The following WASHC2C variants were observed in gnomAD, a reference collection of about 807,000 sequenced individuals.
WASHC2C encodes the protein Vaccinia Penetration Factor.
In WASHC2C, 73 loss-of-function variants were observed where a neutral mutation model predicts 142.2. That is an observed-to-expected ratio of 0.51 (90% CI 0.43 to 0.62). The LOEUF (loss-of-function observed/expected upper bound fraction) is 0.62. Among genes scored for constraint, WASHC2C ranks in the 20% least tolerant of loss-of-function variants. WASHC2C has a pLI of 0.00. For missense variants in WASHC2C, 969 were observed against 1,531.7 expected (o/e 0.63, Z 6.13); for synonymous variants, 337 against 565.5 (o/e 0.60, Z 5.73).
At chr10:45,747,533 T>C (rs1326361809) in intron 8 of WASHC2C, among the ~76,000 whole-genome samples, 54 of 152,364 alleles carry the variant, frequency 3.5e-4, no homozygotes, top group Non-Finnish European at 5.4e-4. Flanking sequence ...TCTCTAAATG[T>C]ATAAGGGAAA....
intron 7 of WASHC2C, among the ~76,000 whole-genome samples, chr10:45,745,732 G>T (rs1436699708): frequency 4.6e-5 from 7 of 151,856 alleles, no homozygotes; most frequent in African/African-American, 1.7e-4. Flanking sequence ...AGCAACTATT[G>T]ATGTCCCCTT....
intron 20 of WASHC2C, among the ~76,000 whole-genome samples, chr10:45,772,532 A>G (rs1334113620): frequency 4.0e-5 from 6 of 151,850 alleles, no homozygotes; most frequent in African/African-American, 1.2e-4. Context: ...CCTGAGCAAC[A>G]TAGAGCGACC....
chr10:45,742,351 G>A (rs2052192780), intron 5 of WASHC2C, among the ~76,000 whole-genome samples: 1 of 152,176 alleles, frequency 6.6e-6, no homozygotes, highest in Admixed American at 6.5e-5. Context: ...TTTCGCTCTT[G>A]TTGCCCAGGC....
At chr10:45,784,295 T>TATATAC (rs2057845960) in intron 23 of WASHC2C, among the ~76,000 whole-genome samples, 1 of 44,468 alleles carries the variant, frequency 2.2e-5, no homozygotes. Context: ...TATATACACA[T>TATATAC]ATATATATAT....
At chr10:45,786,768 C>A (rs1201135390) in intron 27 of WASHC2C, 94 bp downstream of exon 27, 1 of 1,604,554 alleles carries the variant, frequency 6.2e-7, no homozygotes, top group East Asian at 2.2e-5. Flanking sequence ...CAAACATCTT[C>A]TCATCTCTTC....
In WASHC2C at chr10:45,752,628, C is replaced by T. The variant is rs782097204; in HGVS notation, c.1044C>T (p.Asp348=). ...DNLFAPPKLT[D]EDFSPFGSGG... is the part of the protein sequence containing the mutation. ...TATTCGCACCCCCCAAGCTGACCGA[C>T]GAGGACTTCTCGCCATTTGGCTCTG... The change falls in exon 12 of 31, where the codon GAC becomes GAT. Residue 348 remains aspartate (D), a synonymous_variant. Coordinates refer to ENST00000623400, the MANE Select transcript of WASHC2C (RefSeq NM_001330074.2). 2.4e-5 allele frequency: 39 copies of T among 1,609,874 alleles called. 2 individuals carry two copies. Among genetic ancestry groups the T allele is most frequent in the South Asian group, 2.1e-4 (19 of 90,936 alleles).
chr10:45,739,800 A>G (rs2051765183), intron 4 of WASHC2C, among the ~76,000 whole-genome samples: 2 of 152,210 alleles, frequency 1.3e-5, no homozygotes, highest in South Asian at 4.2e-4. Flanking sequence ...TTCTCCACAC[A>G]CTAGTTGTAC....
rs2058084151 is a variant in WASHC2C, at chr10:45,786,894, A to G, written c.2875-141A>G. On this transcript the variant is annotated intron_variant, in intron 27 of 30. Transcript: ENST00000623400. ...TAAGACGCTCTGTTTTAATTCTGAGACTAGATTGGGCGATTTTCCTACGTT... is the reference window on the plus strand; with the variant it reads ...TAAGACGCTCTGTTTTAATTCTGAGGCTAGATTGGGCGATTTTCCTACGTT... 21 of 1,596,224 alleles carry G rather than the reference A, an allele frequency of 1.3e-5. No homozygotes were observed. The South Asian group carries it at 2.3e-4, about 18-fold the overall frequency.
intron 4 of WASHC2C, among the ~76,000 whole-genome samples, chr10:45,739,167 C>T (rs1349899236): frequency 6.6e-6 from 1 of 150,672 alleles, no homozygotes; most frequent in Non-Finnish European, 1.5e-5. Flanking sequence ...AAACTCAGTA[C>T]AATATTAGCT....
intron 8 of WASHC2C, among the ~76,000 whole-genome samples, chr10:45,747,134 C>G (rs1463730483): frequency 6.6e-6 from 1 of 151,996 alleles, no homozygotes; most frequent in Non-Finnish European, 1.5e-5. Flanking sequence ...TAAATGTGTC[C>G]TTATTTATTA....
At chr10:45,772,115 A>T (rs1554884846) in intron 20 of WASHC2C, among the ~76,000 whole-genome samples, 1 of 152,216 alleles carries the variant, frequency 6.6e-6, no homozygotes, top group African/African-American at 2.4e-5. Context: ...GAACCTAGAA[A>T]ATTTTATGTT....
intron 16 of WASHC2C, among the ~76,000 whole-genome samples, chr10:45,758,444 C>T (rs1275498914): frequency 1.3e-5 from 2 of 152,066 alleles, no homozygotes; most frequent in Non-Finnish European, 2.9e-5. Flanking sequence ...AATCTGTTAG[C>T]GGGCACAAAC....
chr10:45,743,508 T>C, intron 6 of WASHC2C, 25 bp downstream of exon 6: 1 of 1,609,928 alleles, frequency 6.2e-7, no homozygotes, highest in Non-Finnish European at 8.5e-7. Context: ...CAAATAATTT[T>C]ATTCCTTAAC....
chr10:45,752,723 C>T lies in WASHC2C; in HGVS notation c.1122+17C>T. 1 of 1,605,714 alleles carries T rather than the reference C, an allele frequency of 6.2e-7. No individual in the cohort carries two copies. Among genetic ancestry groups the T allele is most frequent in the Admixed American group, 1.7e-5 (1 of 59,750 alleles). Reference sequence around the variant, plus strand: ...GACGAGGAGGTGAGTCCATGGCACCCAGCAACACTCCCTGCAGCTAGCTGT... The same window carrying T: ...GACGAGGAGGTGAGTCCATGGCACCTAGCAACACTCCCTGCAGCTAGCTGT... On this transcript the variant is annotated intron_variant, in intron 12 of 30. Transcript: ENST00000623400.
chr10:45,728,837 A>G, intron 2 of WASHC2C, 25 bp from the exon 3 acceptor site: 6 of 1,609,896 alleles, frequency 3.7e-6, no homozygotes, highest in Non-Finnish European at 4.2e-6. Context: ...CATTGATACT[A>G]CTGTATGTTT....
At chr10:45,762,018 A>G (rs1350628408) in intron 17 of WASHC2C, among the ~76,000 whole-genome samples, 1 of 151,836 alleles carries the variant, frequency 6.6e-6, no homozygotes, top group South Asian at 2.1e-4. Context: ...TAAAAAAAAA[A>G]AAAAACTGTC....
intron 3 of WASHC2C, among the ~76,000 whole-genome samples, chr10:45,732,467 A>T (rs1397454596): frequency 6.6e-6 from 1 of 152,220 alleles, no homozygotes; most frequent in African/African-American, 2.4e-5. Context: ...TTATCTGTTA[A>T]TTTAGGAATT....
At chr10:45,781,653 A>G (rs2057511622) in intron 23 of WASHC2C, among the ~76,000 whole-genome samples, 1 of 148,940 alleles carries the variant, frequency 6.7e-6, no homozygotes, top group African/African-American at 2.5e-5. Flanking sequence ...ATGAAGTTGG[A>G]CCCATTAATA....
intron 7 of WASHC2C, 91 bp from the exon 8 acceptor site, chr10:45,746,509 A>G (rs1655838280): frequency 1.4e-6 from 2 of 1,453,976 alleles, no homozygotes; most frequent in Admixed American, 1.7e-5. Context: ...TTGACATAGA[A>G]TCAGCCTGCC....
Sources: allele counts gnomAD v4.1 joint callset (sites outside exome capture counted in the v4.1 genomes callset), GRCh38; gene constraint gnomAD v4.1.1; transcripts MANE v1.5; gene names NCBI Gene and HGNC (gene_info 2026-07-23, HGNC 2026-07-21).